HENMT1: variants seen among roughly 807,000 people sequenced by gnomAD.
HENMT1 encodes HEN methyltransferase 1, also known as small RNA 2'-O-methyltransferase.
HENMT1 carries 27 observed loss-of-function variants against 31.1 expected under a neutral mutation model. The observed-to-expected ratio is 0.87, with a 90% confidence interval of 0.64 to 1.20. HENMT1 has a LOEUF of 1.20. HENMT1 is among the 50% of genes most tolerant of loss of function. The pLI, the probability that HENMT1 is intolerant of heterozygous loss-of-function variation, is 0.00. For synonymous variants in HENMT1, 167 were observed against 172.2 expected, an observed-to-expected ratio of 0.97 and a Z score of 0.24; for missense variants, 438 against 469.6, an observed-to-expected ratio of 0.93 and a Z score of 0.62.
chr1:108,658,016 TAC>T (rs764789195), intron 2 of HENMT1, among the ~76,000 whole-genome samples: 2 of 147,744 alleles, frequency 1.4e-5, no homozygotes, highest in African/African-American at 5.1e-5. Context: ...CACATATATG[TAC>T]ACACACTTAC....
At chr1:108,656,376 C>T (rs193201061) in intron 3 of HENMT1, among the ~76,000 whole-genome samples, 3 of 152,322 alleles carry the variant, frequency 2.0e-5, no homozygotes, top group East Asian at 3.9e-4. Context: ...TCACCTTACC[C>T]GCATCTAATT....
intron 5 of HENMT1, among the ~76,000 whole-genome samples, chr1:108,653,776 T>G (rs1042964415): frequency 2.0e-5 from 3 of 152,218 alleles, no homozygotes; most frequent in African/African-American, 7.2e-5. Context: ...GGGGTTTTTT[T>G]GCTGTTGAGA....
chr1:108,650,810 C>T (rs1658030300), intron 6 of HENMT1, among the ~76,000 whole-genome samples: 1 of 152,196 alleles, frequency 6.6e-6, no homozygotes, highest in African/African-American at 2.4e-5. Flanking sequence ...CTACAGATGC[C>T]TTCACATAAA....
chr1:108,661,068 C>G lies in HENMT1; in HGVS notation c.-184G>C. 1 of 906,544 alleles carries G rather than the reference C, an allele frequency of 1.1e-6. No homozygotes were observed. Among genetic ancestry groups the G allele is most frequent in the Non-Finnish European group, 1.3e-6 (1 of 758,148 alleles). 56.2% of individuals were successfully genotyped at this position (906,544 alleles called of 1,614,324 possible). A position where few individuals can be genotyped will look rare whatever the true frequency, so the allele number is the denominator to read the frequency against. On this transcript the variant is annotated 5_prime_UTR_variant, in exon 1 of 8. Coordinates refer to ENST00000651461, the MANE Select transcript of HENMT1 (RefSeq NM_001102592.2). ...AGCTCGTCGCGGAGCCGCCAGCGTC[C>G]TCAACTCAGCGCCGCCCTGACGCCC...
chr1:108,658,130 TA>T (rs1474859616), intron 2 of HENMT1, among the ~76,000 whole-genome samples: 15 of 144,530 alleles, frequency 1.0e-4, no homozygotes, highest in South Asian at 2.2e-4. Context: ...TATATATATA[TA>T]TATTTTTTTT....
intron 2 of HENMT1, 110 bp downstream of exon 2, chr1:108,659,754 C>A (rs1203982984): frequency 3.0e-6 from 2 of 672,730 alleles, no homozygotes; most frequent in East Asian, 2.9e-5. Flanking sequence ...ACCAACACCC[C>A]GGGAAATGCT....
chr1:108,658,718 C>T (rs957524012), intron 2 of HENMT1, among the ~76,000 whole-genome samples: 2 of 152,128 alleles, frequency 1.3e-5, no homozygotes, highest in Admixed American at 1.3e-4. Flanking sequence ...AATCTTCTAC[C>T]CCTGATATCT....
chr1:108,651,503 G>A, intron 5 of HENMT1: 1 of 241,062 alleles, frequency 4.1e-6, no homozygotes, highest in Non-Finnish European at 8.1e-6. Context: ...AATTTTGCTG[G>A]GTGTGGTGGT....
intron 3 of HENMT1, among the ~76,000 whole-genome samples, chr1:108,656,663 G>A (rs1197574353): frequency 6.6e-6 from 1 of 152,020 alleles, no homozygotes; most frequent in Non-Finnish European, 1.5e-5. Context: ...ATTTTTTGTA[G>A]ACACAGGGTC....
In HENMT1 at chr1:108,654,855, A is replaced by C; in HGVS notation, c.264-5T>G. On this transcript the variant is annotated splice_region_variant and splice_polypyrimidine_tract_variant and intron_variant, in intron 4 of 7. Transcript: ENST00000651461. ...AGGAAAGGAGCTAACGAATCCCTGC[A>C]AAATAATTATTGAAGAAACTTTCTG... 1 of 1,613,888 alleles carries C rather than the reference A, an allele frequency of 6.2e-7. No homozygotes were observed. The highest frequency in any genetic ancestry group is 8.5e-7 in the Non-Finnish European group (1 of 1,179,856).
At chr1:108,650,799 A>T (rs114169610) in intron 6 of HENMT1, among the ~76,000 whole-genome samples, 2,387 of 152,282 alleles carry the variant, frequency 0.016, 66 homozygotes, top group African/African-American at 0.055. Flanking sequence ...CCATGCCAGT[A>T]CTACAGATGC....
chr1:108,658,195 G>A (rs1658325324), intron 2 of HENMT1, among the ~76,000 whole-genome samples: 1 of 151,386 alleles, frequency 6.6e-6, no homozygotes, highest in African/African-American at 2.4e-5. Context: ...GCAGTGGCGC[G>A]ATCTCAGCTC....
chr1:108,650,160 C>T, intron 7 of HENMT1, 51 bp downstream of exon 7: 1 of 1,560,134 alleles, frequency 6.4e-7, no homozygotes, highest in Non-Finnish European at 8.8e-7. Context: ...AAAAAGTTCA[C>T]CATCCTAATG....
Position 108,648,314 on chromosome 1 carries a change from A to G in HENMT1, c.*252T>C. ...TCAAAATTAACATATTACCACATCC[A>G]ACTTCTTTATTCTTGAGAAAACAAA... On this transcript the variant is annotated 3_prime_UTR_variant, in exon 8 of 8. Coordinates refer to ENST00000651461, the MANE Select transcript of HENMT1 (RefSeq NM_001102592.2). 2.0e-6 allele frequency: 1 copy of G among 497,844 alleles called. No homozygotes were observed. Among genetic ancestry groups the G allele is most frequent in the South Asian group, 2.7e-5 (1 of 36,834 alleles). The allele number at this position is 497,844 out of a possible 1,614,324, so 30.8% of individuals were successfully genotyped here.
rs140214982 is a variant in HENMT1 at position 108,656,374 on chromosome 1, C to T, written c.151-676G>A. On this transcript the variant is annotated intron_variant, in intron 3 of 7. Coordinates refer to ENST00000651461, the MANE Select transcript of HENMT1 (RefSeq NM_001102592.2). ...AGCTTTCATCTAGAAATTCACCTTA[C>T]CCGCATCTAATTCACATCCAATCCA... Among the ~76,000 whole-genome samples, 544 of 152,316 alleles carry T rather than the reference C, an allele frequency of 3.6e-3. 3 individuals are homozygous for T. Among genetic ancestry groups the T allele is most frequent in the African/African-American group, 0.012 (518 of 41,574 alleles).
At chr1:108,658,038 CAT>C (rs1289197785) in intron 2 of HENMT1, among the ~76,000 whole-genome samples, 97 of 123,826 alleles carry the variant, frequency 7.8e-4, no homozygotes, top group African/African-American at 2.3e-3. Flanking sequence ...CACACACACA[CAT>C]ATATATACAC....
chr1:108,658,899 C>T (rs1240801293), intron 2 of HENMT1, among the ~76,000 whole-genome samples: 1 of 152,068 alleles, frequency 6.6e-6, no homozygotes, highest in Non-Finnish European at 1.5e-5. Context: ...TAAAAGTAGT[C>T]CAAAGGGTAT....
At chr1:108,659,313 G>A (rs1454101645) in intron 2 of HENMT1, among the ~76,000 whole-genome samples, 2 of 151,934 alleles carry the variant, frequency 1.3e-5, no homozygotes, top group Admixed American at 6.6e-5. Flanking sequence ...GCAGTTAACC[G>A]TGACTGGGCA....
intron 3 of HENMT1, among the ~76,000 whole-genome samples, chr1:108,656,154 T>C (rs1248157698): frequency 6.6e-6 from 1 of 152,086 alleles, no homozygotes; most frequent in East Asian, 1.9e-4. Flanking sequence ...CATCTGAAAT[T>C]CCATACTGAA....
Sources: allele counts gnomAD v4.1 joint callset (sites outside exome capture counted in the v4.1 genomes callset), GRCh38; gene constraint gnomAD v4.1.1; transcripts MANE v1.5; gene names NCBI Gene and HGNC (gene_info 2026-07-23, HGNC 2026-07-21).